TMEM223: variants seen among roughly 807,000 people sequenced by gnomAD.
TMEM223 encodes transmembrane protein 223.
TMEM223 carries 14 observed loss-of-function variants against 14.1 expected under a neutral mutation model. The ratio of observed to expected loss-of-function variants is 0.99; its 90% CI spans 0.66 to 1.55. TMEM223 has a LOEUF of 1.55. Among genes scored for constraint, TMEM223 ranks in the 40% most tolerant of loss-of-function variants. The pLI is 0.00. For missense variants in TMEM223, 346 were observed against 269.9 expected (o/e 1.28, Z -1.97); for synonymous variants, 145 against 120.5 (o/e 1.20, Z -1.33).
chr11:62,776,434 G>A, intron 1 of TMEM223: 2 of 1,613,854 alleles, frequency 1.2e-6, no homozygotes, highest in Middle Eastern at 1.7e-4. Flanking sequence ...TGACGGTTGA[G>A]GACTTCAACA....
At chr11:62,789,478 A>G, downstream of TMEM223, 3 of 1,611,636 alleles carry the variant, frequency 1.9e-6, no homozygotes, top group African/African-American at 1.3e-5. Context: ...TTCCCTCTGC[A>G]GCGGGGTCCT....
downstream of TMEM223, among the ~76,000 whole-genome samples, chr11:62,785,072 G>C (rs1373994496): frequency 6.6e-6 from 1 of 151,964 alleles, no homozygotes; most frequent in Non-Finnish European, 1.5e-5. Context: ...CAAACTCCTT[G>C]GTTTAAGTGA....
intron 2 of TMEM223, among the ~76,000 whole-genome samples, chr11:62,774,150 C>G (rs1281355620): frequency 2.0e-5 from 3 of 151,878 alleles, no homozygotes; most frequent in African/African-American, 7.3e-5. Flanking sequence ...GATCTCGGCT[C>G]ACTGCAATCT....
chr11:62,778,177 A>G (rs1046993875), intron 1 of TMEM223: 22 of 1,613,730 alleles, frequency 1.4e-5, no homozygotes, highest in Non-Finnish European at 1.7e-5. Flanking sequence ...TGGGCCGTGA[A>G]GAGAAGTGGT....
At chr11:62,779,698 C>A (rs1051029271) in intron 1 of TMEM223, among the ~76,000 whole-genome samples, 2 of 151,286 alleles carry the variant, frequency 1.3e-5, no homozygotes, top group Non-Finnish European at 2.9e-5. Flanking sequence ...TGGGGTCTTG[C>A]TCTGTCACCT....
At chr11:62,788,053 G>A (rs1016100031), downstream of TMEM223, 9 of 453,588 alleles carry the variant, frequency 2.0e-5, no homozygotes, top group Admixed American at 9.5e-5. Flanking sequence ...ATAAACATGG[G>A]TTCATTTAAT....
intron 1 of TMEM223, among the ~76,000 whole-genome samples, chr11:62,777,071 T>C (rs2084193428): frequency 6.6e-6 from 1 of 151,364 alleles, no homozygotes; most frequent in Non-Finnish European, 1.5e-5. Flanking sequence ...CGCGTGAACC[T>C]GGGAGGCAGA....
At chr11:62,784,335 C>A (rs769054257), downstream of TMEM223, among the ~76,000 whole-genome samples, 69 of 136,290 alleles carry the variant, frequency 5.1e-4, no homozygotes, top group South Asian at 7.0e-4. Flanking sequence ...GACGGAGTCT[C>A]GCTCTGACAC....
chr11:62,773,497 G>A (rs1360200755), intron 2 of TMEM223, among the ~76,000 whole-genome samples: 1 of 149,916 alleles, frequency 6.7e-6, no homozygotes, highest in Non-Finnish European at 1.5e-5. Context: ...ACCCAGAATG[G>A]AGTGCACTGG....
chr11:62,791,987 G>C lies in TMEM223; in HGVS notation c.8C>G (p.Ala3Gly). ...CCCCGTGGGCCATCGCCTCCAAGGC[G>C]CCGCCATGGCCAGCCGACTTCCGGG... MAAPWRRWPTGLL... is the reference protein window; with the variant it reads MAGPWRRWPTGLL... The change falls in exon 1 of 2, where the codon GCG becomes GGG. Residue 3 changes from alanine (A) to glycine (G), a missense_variant. Physicochemically the swap from Ala to Gly is moderately conservative, Grantham distance 60 (BLOSUM62 0). Coordinates refer to ENST00000307366, the MANE Select transcript of TMEM223 (RefSeq NM_001080501.3). The C allele has an allele frequency of 6.5e-7, 1 of 1,531,536 alleles. No homozygotes were observed. Among genetic ancestry groups the C allele is most frequent in the Non-Finnish European group, 8.8e-7 (1 of 1,134,212 alleles). 94.9% of individuals were successfully genotyped at this position (1,531,536 alleles called of 1,614,324 possible).
intron 2 of TMEM223, chr11:62,772,220 C>T: frequency 2.2e-6 from 1 of 451,488 alleles, no homozygotes; most frequent in Non-Finnish European, 4.5e-6. Flanking sequence ...GTGTCTCAGG[C>T]ATAGTACAGT....
downstream of TMEM223, among the ~76,000 whole-genome samples, chr11:62,785,789 C>A (rs2084269004): frequency 6.6e-6 from 1 of 152,054 alleles, no homozygotes; most frequent in South Asian, 2.1e-4. Context: ...CTGGCCTCGG[C>A]CTCCCAAAGT....
downstream of TMEM223, chr11:62,786,357 C>T: frequency 6.2e-7 from 1 of 1,614,164 alleles, no homozygotes; most frequent in Non-Finnish European, 8.5e-7. Flanking sequence ...CAGGTCAAAG[C>T]AGATGGACAC....
chr11:62,776,477 G>A, intron 1 of TMEM223: 2 of 1,613,246 alleles, frequency 1.2e-6, no homozygotes, highest in Non-Finnish European at 1.7e-6. Flanking sequence ...GGAGGTGAGT[G>A]GGGTGCAGGC....
chr11:62,777,009 T>C (rs2084193046), intron 1 of TMEM223, among the ~76,000 whole-genome samples: 1 of 151,986 alleles, frequency 6.6e-6, no homozygotes, highest in African/African-American at 2.4e-5. Context: ...TAGCTGGCCG[T>C]GGCGGTGGGC....
At position 62,790,732 on chromosome 11, in the gene TMEM223, A is replaced by G; in HGVS notation, c.500T>C (p.Leu167Pro). 1 of 1,611,418 alleles carries G rather than the reference A, an allele frequency of 6.2e-7. No homozygotes were observed. The highest frequency in any genetic ancestry group is 2.2e-5 in the East Asian group (1 of 44,828). The part of the protein sequence containing the change: ...MAHRGEVPAM[L>P]PLKVKGRRFY... ...GCGTCGGCCTTTGACTTTCAGAGGT[A>G]GCATGGCAGGGACTTCACCCCGGTG... Residue 167 changes from leucine (L) to proline (P), a missense_variant, in exon 2 of 2, where the codon CTA becomes CCA. Coordinates refer to ENST00000307366, the MANE Select transcript of TMEM223 (RefSeq NM_001080501.3).
intron 1 of TMEM223, among the ~76,000 whole-genome samples, chr11:62,780,216 G>A (rs1429843885): frequency 1.3e-5 from 2 of 151,764 alleles, no homozygotes; most frequent in Admixed American, 6.6e-5. Context: ...TACTCGGGAG[G>A]CTGAGGCAGG....
At chr11:62,775,112 G>C (rs1396531331) in intron 1 of TMEM223, among the ~76,000 whole-genome samples, 1 of 151,840 alleles carries the variant, frequency 6.6e-6, no homozygotes, top group Non-Finnish European at 1.5e-5. Flanking sequence ...AAGGAAAGAG[G>C]TTTAACTGAC....
At chr11:62,775,782 C>A in intron 1 of TMEM223, 2 of 1,605,970 alleles carry the variant, frequency 1.2e-6, no homozygotes, top group Middle Eastern at 3.4e-4. Context: ...TCCACTGGGG[C>A]CATGTCAGAG....
Sources: gnomAD v4.1 joint callset for allele counts (sites outside exome capture counted in the v4.1 genomes callset) on GRCh38, gnomAD v4.1.1 for gene constraint, MANE v1.5 for transcripts, NCBI Gene and HGNC (gene_info 2026-07-23, HGNC 2026-07-21) for gene names.